LIFR: variants seen among roughly 807,000 people sequenced by gnomAD.
LIFR encodes the protein LIF receptor subunit alpha.
Under a neutral mutation model 122.2 loss-of-function variants are expected in LIFR, and 84 were observed. The observed-to-expected ratio is 0.69, with a 90% confidence interval of 0.58 to 0.82. The LOEUF is 0.82. LIFR is among the 40% of genes least tolerant of loss of function. LIFR has a pLI of 0.00. For missense variants in LIFR, 1,294 were observed against 1,311.6 expected (o/e 0.99, Z 0.21); for synonymous variants, 422 against 434.7 (o/e 0.97, Z 0.36).
In LIFR at chr5:38,482,375, G is replaced by GAAAA. The variant is rs1278539486; in HGVS notation, c.2671-158_2671-157insTTTT. ...AACAGCACAGCCACTTTTTTCTTCC[G>GAAAA]TATCAGTATTTTCCTTGTTATTAAT... On this transcript the variant is annotated intron_variant, in intron 19 of 19. Transcript: ENST00000453190. Among the ~76,000 whole-genome samples, 4,943 of 151,810 alleles carry GAAAA rather than the reference G, an allele frequency of 0.033. 249 individuals are homozygous for GAAAA. Among genetic ancestry groups the GAAAA allele is most frequent in the African/African-American group, 0.11 (4,539 of 41,324 alleles).
chr5:38,589,097 A>C (rs979139883), intron 1 of LIFR, among the ~76,000 whole-genome samples: 1 of 150,144 alleles, frequency 6.7e-6, no homozygotes, highest in Admixed American at 6.7e-5. Flanking sequence ...TCCTGGGTTC[A>C]TGCCATTCTC....
intron 1 of LIFR, among the ~76,000 whole-genome samples, chr5:38,578,213 T>TTTTC (rs746981820): frequency 3.7e-4 from 54 of 145,358 alleles, no homozygotes; most frequent in Non-Finnish European, 7.2e-4. Context: ...TTTTCTTTTT[T>TTTTC]TTTTTTTTTT....
At chr5:38,484,172 A>G (rs921828406) in intron 18 of LIFR, among the ~76,000 whole-genome samples, 34 of 152,176 alleles carry the variant, frequency 2.2e-4, no homozygotes, top group African/African-American at 7.7e-4. Context: ...GCCATGGCCG[A>G]CCAGCTCGCA....
At chr5:38,538,248 T>C (rs564190668) in intron 1 of LIFR, among the ~76,000 whole-genome samples, 1 of 152,226 alleles carries the variant, frequency 6.6e-6, no homozygotes. Flanking sequence ...CTTAGCCTAC[T>C]GCTCCTTCTA....
rs773385403 is a variant in LIFR at position 38,481,797 on chromosome 5, T to C, written c.3092A>G (p.Gln1031Arg). 3 of 1,614,126 alleles carry C rather than the reference T, an allele frequency of 1.9e-6. No individual in the cohort carries two copies. In the South Asian group the frequency reaches 3.3e-5, roughly 18 times the overall value. Residue 1031 changes from glutamine to arginine, a missense_variant, in exon 20 of 20, where the codon CAG becomes CGG. Gln to Arg is a conservative substitution (Grantham distance 43). Transcript: ENST00000453190. ...TAAATTCCATGTATTTACATTGGCC[T>C]GAGGTCTGTAACCCGCAGTTTTATC... ...DLDKTAGYRP[Q>R]ANVNTWNLVS...
At chr5:38,528,314 G>A (rs1226365589) in intron 3 of LIFR, among the ~76,000 whole-genome samples, 1 of 152,110 alleles carries the variant, frequency 6.6e-6, no homozygotes, top group African/African-American at 2.4e-5. Context: ...GGAGCAGGGG[G>A]CCAGAACTAA....
intron 2 of LIFR, among the ~76,000 whole-genome samples, chr5:38,529,693 CT>C (rs1561180982): frequency 6.6e-6 from 1 of 151,920 alleles, no homozygotes; most frequent in Non-Finnish European, 1.5e-5. Context: ...GAAAAGGCAA[CT>C]ATAGAATAAA....
At chr5:38,594,497 T>G (rs1244581431) in intron 1 of LIFR, among the ~76,000 whole-genome samples, 5 of 152,110 alleles carry the variant, frequency 3.3e-5, no homozygotes, top group Non-Finnish European at 1.5e-5. Flanking sequence ...TTGCAACAAA[T>G]GTACCACACT....
chr5:38,543,380 A>C (rs1747697999), intron 1 of LIFR, among the ~76,000 whole-genome samples: 1 of 152,192 alleles, frequency 6.6e-6, no homozygotes, highest in Non-Finnish European at 1.5e-5. Flanking sequence ...GCTCGTAAGG[A>C]GCAAAGCCAG....
rs939756958 is a variant in LIFR, at chr5:38,542,788, C to T, written c.-19-12122G>A. On this transcript the variant is annotated intron_variant, in intron 1 of 19. Transcript: ENST00000453190. ...TACCTGGAATGTCCTTCCCACTCCA[C>T]TCTTCCTTGTCCCTTTAACAAATAT... Among the ~76,000 whole-genome samples the T allele has an allele frequency of 2.0e-5, 3 of 152,196 alleles. No homozygotes were observed. The East Asian group carries it at 5.8e-4, about 29-fold the overall frequency.
In LIFR at chr5:38,489,252, A is replaced by G. The variant is rs746355705; in HGVS notation, c.2168-7T>C. On this transcript the variant is annotated splice_region_variant and splice_polypyrimidine_tract_variant and intron_variant, in intron 15 of 19. Coordinates refer to ENST00000453190, the MANE Select transcript of LIFR (RefSeq NM_001127671.2). Reference sequence around the variant, plus strand: ...TTTGGTGCAACAATGGGAGCTGTAAAAGGAAAAAGTCAATTGCTAAAGGGG... The same window carrying G: ...TTTGGTGCAACAATGGGAGCTGTAAGAGGAAAAAGTCAATTGCTAAAGGGG... The G allele has an allele frequency of 6.2e-7, 1 of 1,610,222 alleles. No individual in the cohort carries two copies. The highest frequency in any genetic ancestry group is 1.1e-5 in the South Asian group (1 of 91,006).
At chr5:38,592,161 T>C (rs184237212) in intron 1 of LIFR, among the ~76,000 whole-genome samples, 5 of 152,286 alleles carry the variant, frequency 3.3e-5, no homozygotes, top group Non-Finnish European at 7.4e-5. Context: ...AACTGACATA[T>C]ATTAGCCCAC....
chr5:38,493,784 A>G lies in LIFR; in HGVS notation c.1887T>C (p.Asp629=). 1 of 1,613,402 alleles carries G rather than the reference A, an allele frequency of 6.2e-7. No individual in the cohort carries two copies. The highest frequency in any genetic ancestry group is 1.1e-5 in the South Asian group (1 of 91,076). The change falls in exon 14 of 20, where the codon GAT becomes GAC. Residue 629 remains aspartate, a splice_region_variant and synonymous_variant. Transcript: ENST00000453190. The part of the protein sequence containing the change: ...SKIASMEIPN[D]DLKIEQVVGM... Reference sequence around the variant, plus strand: ...CAACAACTTGTTCTATTTTGAGATCATCTTCAATAAGAAAGGAGGATATTT... The same window carrying G: ...CAACAACTTGTTCTATTTTGAGATCGTCTTCAATAAGAAAGGAGGATATTT...
At chr5:38,554,470 C>G (rs1748406895) in intron 1 of LIFR, among the ~76,000 whole-genome samples, 1 of 152,164 alleles carries the variant, frequency 6.6e-6, no homozygotes, top group Non-Finnish European at 1.5e-5. Flanking sequence ...TAGAAACAAC[C>G]TACATATATC....
chr5:38,549,140 G>C (rs570845506), intron 1 of LIFR, among the ~76,000 whole-genome samples: 2 of 152,084 alleles, frequency 1.3e-5, no homozygotes, highest in South Asian at 4.2e-4. Context: ...GGAAATCCAG[G>C]AAAGTAAAAA....
chr5:38,585,853 G>A (rs1749728859), intron 1 of LIFR, among the ~76,000 whole-genome samples: 1 of 151,818 alleles, frequency 6.6e-6, no homozygotes, highest in South Asian at 2.1e-4. Flanking sequence ...TGCTAGCTAG[G>A]CTATTATAGA....
At chr5:38,585,968 C>G (rs949988478) in intron 1 of LIFR, among the ~76,000 whole-genome samples, 3 of 151,910 alleles carry the variant, frequency 2.0e-5, no homozygotes, top group Admixed American at 2.0e-4. Flanking sequence ...CTTCTGTTTC[C>G]CATCTGCAAC....
intron 5 of LIFR, among the ~76,000 whole-genome samples, chr5:38,516,124 G>A (rs1237924717): frequency 1.3e-5 from 2 of 152,038 alleles, no homozygotes; most frequent in African/African-American, 4.8e-5. Flanking sequence ...CCAAAAGTAA[G>A]GAATTACTGC....
At chr5:38,531,703 G>A (rs1325879621) in intron 1 of LIFR, among the ~76,000 whole-genome samples, 3 of 152,084 alleles carry the variant, frequency 2.0e-5, no homozygotes, top group Non-Finnish European at 4.4e-5. Flanking sequence ...TGGGAAAAGA[G>A]ATAAGAAATG....
Sources: gnomAD v4.1 joint callset for allele counts (sites outside exome capture counted in the v4.1 genomes callset) on GRCh38, gnomAD v4.1.1 for gene constraint, MANE v1.5 for transcripts, NCBI Gene and HGNC (gene_info 2026-07-23, HGNC 2026-07-21) for gene names.